The following SLCO4A1 variants were observed in gnomAD, a reference collection of about 807,000 sequenced individuals.
The protein encoded by SLCO4A1 is colon organic anion transporter.
In SLCO4A1, 51 loss-of-function variants were observed where a neutral mutation model predicts 64.6. The ratio of observed to expected loss-of-function variants is 0.79; its 90% CI spans 0.63 to 1.00. The LOEUF (loss-of-function observed/expected upper bound fraction) is 1.00. SLCO4A1 is among the 50% of genes least tolerant of loss of function. The probability of loss-of-function intolerance (pLI) is 0.00; values close to 1 mark genes in which losing one functional copy is unlikely to be tolerated. For synonymous variants in SLCO4A1, 471 were observed against 444.9 expected (o/e 1.06, Z -0.74); for missense variants, 919 against 980.5 (o/e 0.94, Z 0.84).
chr20:62,669,009 G>GACT lies in SLCO4A1; in HGVS notation c.1956_1957insACT (p.Gln652_Gly653insThr). 2 of 1,611,072 alleles carry GACT rather than the reference G, an allele frequency of 1.2e-6. No homozygotes were observed. Among genetic ancestry groups the GACT allele is most frequent in the South Asian group, 2.2e-5 (2 of 91,086 alleles). On this transcript the variant is annotated inframe_insertion, in exon 11 of 12. Coordinates refer to ENST00000217159, the MANE Select transcript of SLCO4A1 (RefSeq NM_016354.4). The stretch of plus-strand genomic sequence containing the variant: ...TGTGGCAGGACCAGTGTGGCCAGCA[G>GACT]GGCTCCTGCTTGGTGTACCAGAATT...
chr20:62,647,939 C>T (rs1981669006), intron 1 of SLCO4A1, among the ~76,000 whole-genome samples: 1 of 152,254 alleles, frequency 6.6e-6, no homozygotes, highest in South Asian at 2.1e-4. Context: ...CCCGGAGATG[C>T]AGCTGACTGA....
intron 1 of SLCO4A1, chr20:62,651,379 G>A (rs1210489015): frequency 6.6e-6 from 1 of 152,206 alleles, no homozygotes; most frequent in Non-Finnish European, 1.5e-5. Context: ...AGGCTGGCCC[G>A]AAGCCAGGTC....
chr20:62,675,048 C>T (rs1300654218), downstream of SLCO4A1, among the ~76,000 whole-genome samples: 7 of 152,158 alleles, frequency 4.6e-5, no homozygotes, highest in Non-Finnish European at 1.0e-4. Flanking sequence ...CGCTCCATGC[C>T]CTGCCCCCAC....
chr20:62,672,056 A>G lies in SLCO4A1; in HGVS notation c.*163A>G. 3.3e-6 allele frequency: 5 copies of G among 1,528,828 alleles called. No homozygotes were observed. The highest frequency in any genetic ancestry group is 3.5e-6 in the Non-Finnish European group (4 of 1,139,882). The allele number at this position is 1,528,828 out of a possible 1,614,324, so 94.7% of individuals were successfully genotyped here. On this transcript the variant is annotated 3_prime_UTR_variant, in exon 12 of 12. Transcript: ENST00000217159. ...TGTGACCTCCTGTCCCCAGAGCTGT[A>G]CGGCCCTGCAGTGGGTGGGAGGAAC...
chr20:62,683,661 C>T (rs894262378), intron 2 of SLCO4A1, among the ~76,000 whole-genome samples: 3 of 152,180 alleles, frequency 2.0e-5, no homozygotes, highest in African/African-American at 7.2e-5. Flanking sequence ...GTATTCAGCA[C>T]GGCAACACAC....
chr20:62,687,222 G>A (rs1326143444), downstream of SLCO4A1, among the ~76,000 whole-genome samples: 1 of 152,216 alleles, frequency 6.6e-6, no homozygotes, highest in Admixed American at 6.5e-5. Flanking sequence ...AGGAGCGGGG[G>A]CCTCTGAAGG....
rs1423879429 is a variant in SLCO4A1 at position 62,658,726 on chromosome 20, T to C, written c.846T>C (p.Ile282=). The change falls in exon 3 of 12, where the codon ATT becomes ATC. Residue 282 remains isoleucine, a synonymous_variant. Coordinates refer to ENST00000217159, the MANE Select transcript of SLCO4A1 (RefSeq NM_016354.4). ...AILGPAAGYL[I]GGALLNIYTE... ...TGGGCCCAGCTGCCGGCTACCTGAT[T>C]GGAGGTGCCCTGCTGAATATCTACA... The C allele has an allele frequency of 1.9e-6, 3 of 1,612,222 alleles. No homozygotes were observed. The East Asian group carries it at 6.7e-5, about 36-fold the overall frequency.
At chr20:62,681,436 T>A (rs531182272) in intron 2 of SLCO4A1, among the ~76,000 whole-genome samples, 40 of 151,336 alleles carry the variant, frequency 2.6e-4, no homozygotes, top group African/African-American at 9.8e-4. Context: ...GTGTACACAC[T>A]CGTGTGTGTG....
In SLCO4A1 at chr20:62,667,861, G is replaced by T; in HGVS notation, c.1589G>T (p.Cys530Phe). 1 of 1,613,752 alleles carries T rather than the reference G, an allele frequency of 6.2e-7. No homozygotes were observed. Among genetic ancestry groups the T allele is most frequent in the Non-Finnish European group, 8.5e-7 (1 of 1,180,042 alleles). Residue 530 changes from cysteine to phenylalanine, a missense_variant, in exon 8 of 12, where the codon TGC (cysteine) becomes TTC (phenylalanine). Transcript: ENST00000217159. ...GACGGCCTCATGTACTTCTCACTGT[G>T]CCACGCAGGGTGCCCTGCAGCCACG... is the stretch of plus-strand genomic sequence containing the variant. ...GSDGLMYFSL[C>F]HAGCPAATET...
intron 7 of SLCO4A1, among the ~76,000 whole-genome samples, chr20:62,667,055 C>T (rs2147100250): frequency 6.6e-6 from 1 of 152,350 alleles, no homozygotes; most frequent in South Asian, 2.1e-4. Flanking sequence ...CCCGGGAGTG[C>T]ACCTGCAGGT....
chr20:62,683,382 A>G (rs1035288570), intron 2 of SLCO4A1, among the ~76,000 whole-genome samples: 1 of 151,040 alleles, frequency 6.6e-6, no homozygotes, highest in African/African-American at 2.4e-5. Context: ...GGGCTTTTCC[A>G]TCACTCTCGG....
At chr20:62,652,185 C>T (rs1006404551) in intron 1 of SLCO4A1, 11 of 151,772 alleles carry the variant, frequency 7.2e-5, no homozygotes, top group African/African-American at 2.7e-4. Context: ...CTGGCCCAGC[C>T]CGGAAATGAG....
At chr20:62,668,295 G>A (rs1170122307) in intron 9 of SLCO4A1, 111 bp downstream of exon 9, 12 of 1,350,416 alleles carry the variant, frequency 8.9e-6, no homozygotes, top group East Asian at 2.3e-5. Flanking sequence ...AGGTCTAAGC[G>A]GGCCTGTCTG....
intron 7 of SLCO4A1, 51 bp from the exon 8 acceptor site, chr20:62,667,694 C>T: frequency 6.4e-7 from 1 of 1,555,462 alleles, no homozygotes; most frequent in Admixed American, 1.8e-5. Flanking sequence ...CTGCTGGGCG[C>T]CAGCATGGCT....
intron 9 of SLCO4A1, 128 bp downstream of exon 9, chr20:62,668,312 G>A (rs766879643): frequency 3.1e-6 from 4 of 1,280,066 alleles, no homozygotes; most frequent in Non-Finnish European, 4.5e-6. Context: ...TCTGTCACTG[G>A]TGGCAGGAGA....
intron 11 of SLCO4A1, among the ~76,000 whole-genome samples, chr20:62,670,807 C>T (rs770554241): frequency 2.5e-4 from 38 of 152,356 alleles, no homozygotes; most frequent in Non-Finnish European, 3.8e-4. Flanking sequence ...GGGGAGCACA[C>T]GGTGTCTCCT....
Position 62,660,536 on chromosome 20 carries a change from G to C in SLCO4A1, c.1009+3G>C. Reference sequence around the variant, plus strand: ...TGGTTACCCTCGGCAGCTGCCAGGTGGGTTTCCCTTCCCCAGCCCAGCCTT... The same window carrying C: ...TGGTTACCCTCGGCAGCTGCCAGGTCGGTTTCCCTTCCCCAGCCCAGCCTT... On this transcript the variant is annotated splice_donor_region_variant and intron_variant, in intron 4 of 11. Coordinates refer to ENST00000217159, the MANE Select transcript of SLCO4A1 (RefSeq NM_016354.4). 6.2e-7 allele frequency: 1 copy of C among 1,604,536 alleles called. No individual in the cohort carries two copies. The highest frequency in any genetic ancestry group is 8.5e-7 in the Non-Finnish European group (1 of 1,179,908).
Position 62,644,396 on chromosome 20 carries a change from G to A in SLCO4A1, c.-97+1843G>A, listed in dbSNP as rs938245110. 1.2e-4 allele frequency among the ~76,000 whole-genome samples: 19 copies of A among 152,384 alleles called. No homozygotes were observed. Among genetic ancestry groups the A allele is most frequent in the African/African-American group, 3.1e-4 (13 of 41,588 alleles). On this transcript the variant is annotated intron_variant, in intron 1 of 11. Transcript: ENST00000217159. This position sits in a 1 kb window ranked among gnomAD's most constrained non-coding sequence, Gnocchi z 5.4. ...CGTGACCTAATCTGTAGCTCACTGGGTGTGGCCCCTAAAGCAGGTGCTGGG... is the reference window on the plus strand; with the variant it reads ...CGTGACCTAATCTGTAGCTCACTGGATGTGGCCCCTAAAGCAGGTGCTGGG...
chr20:62,659,491 C>G (rs1370018220), intron 3 of SLCO4A1, among the ~76,000 whole-genome samples: 1 of 152,208 alleles, frequency 6.6e-6, no homozygotes, highest in Admixed American at 6.5e-5. Flanking sequence ...CCTCTGGCCT[C>G]GGATTGATAA....
Sources: allele counts gnomAD v4.1 joint callset (sites outside exome capture counted in the v4.1 genomes callset), GRCh38; gene constraint gnomAD v4.1.1; non-coding constraint Gnocchi (gnomAD v3.1); transcripts MANE v1.5; gene names NCBI Gene and HGNC (gene_info 2026-07-23, HGNC 2026-07-21).